The following CHCHD3 variants were observed in gnomAD, a reference collection of about 807,000 sequenced individuals.
The protein encoded by CHCHD3 is coiled-coil-helix-coiled-coil-helix domain containing 3.
A neutral mutation model predicts 38.2 loss-of-function variants in CHCHD3; 20 were observed. The observed-to-expected ratio is 0.52, with a 90% CI of 0.37 to 0.76. The LOEUF (loss-of-function observed/expected upper bound fraction) is 0.76. CHCHD3 is among the 30% of genes least tolerant of loss of function. The pLI is 0.00. For missense variants in CHCHD3, 245 were observed against 279.2 expected, an observed-to-expected ratio of 0.88 and a Z score of 0.87; for synonymous variants, 82 against 100.0, an observed-to-expected ratio of 0.82 and a Z score of 1.07.
At chr7:132,842,953 G>A (rs1484485057) in intron 5 of CHCHD3, among the ~76,000 whole-genome samples, 1 of 152,062 alleles carries the variant, frequency 6.6e-6, no homozygotes, top group African/African-American at 2.4e-5. Flanking sequence ...TCAAAGTTTT[G>A]TCCATCACCT....
chr7:132,864,519 T>C (rs1208300016), intron 5 of CHCHD3, among the ~76,000 whole-genome samples: 5 of 152,188 alleles, frequency 3.3e-5, no homozygotes, highest in Non-Finnish European at 5.9e-5. Context: ...AGACACTAAG[T>C]GAGCACATGC....
At chr7:132,903,136 C>A (rs946121727) in intron 4 of CHCHD3, among the ~76,000 whole-genome samples, 3 of 152,190 alleles carry the variant, frequency 2.0e-5, no homozygotes, top group Non-Finnish European at 2.9e-5. Flanking sequence ...TTCCACAACT[C>A]CCCAAGACCC....
chr7:132,846,433 T>A (rs1471346546), intron 5 of CHCHD3, among the ~76,000 whole-genome samples: 2 of 152,220 alleles, frequency 1.3e-5, no homozygotes, highest in Admixed American at 1.3e-4. Flanking sequence ...GTGAGTAAAA[T>A]GGTAGCTGTT....
chr7:132,810,413 C>A (rs1807038313), intron 6 of CHCHD3, among the ~76,000 whole-genome samples: 1 of 152,110 alleles, frequency 6.6e-6, no homozygotes, highest in African/African-American at 2.4e-5. Flanking sequence ...AGTACTGATG[C>A]CATAAGAAGG....
intron 4 of CHCHD3, among the ~76,000 whole-genome samples, chr7:132,919,975 C>T (rs1810218290): frequency 6.6e-6 from 1 of 152,152 alleles, no homozygotes; most frequent in South Asian, 2.1e-4. Flanking sequence ...GCTCTCACTT[C>T]TCGGGTTTCT....
intron 3 of CHCHD3, among the ~76,000 whole-genome samples, chr7:132,976,052 C>T (rs1472156603): frequency 2.0e-5 from 3 of 152,150 alleles, no homozygotes; most frequent in African/African-American, 7.2e-5. Context: ...ATTGAGGACA[C>T]AGCGATAAAC....
intron 3 of CHCHD3, among the ~76,000 whole-genome samples, chr7:133,019,632 T>C (rs868239026): frequency 5.9e-5 from 9 of 152,342 alleles, no homozygotes; most frequent in Middle Eastern, 3.4e-3. Context: ...CTAATGTCCA[T>C]TGAAAAATAG....
intron 4 of CHCHD3, among the ~76,000 whole-genome samples, chr7:132,967,264 T>C (rs974035607): frequency 1.3e-5 from 2 of 152,188 alleles, no homozygotes; most frequent in African/African-American, 2.4e-5. Context: ...AGAACATCAA[T>C]AGCATTCTAC....
At chr7:132,953,588 T>C (rs933352195) in intron 4 of CHCHD3, among the ~76,000 whole-genome samples, 12 of 152,202 alleles carry the variant, frequency 7.9e-5, no homozygotes, top group African/African-American at 2.9e-4. Context: ...CCCTGCCAGC[T>C]ATCCTGGAGG....
chr7:133,023,077 A>T (rs1229315277), intron 3 of CHCHD3, among the ~76,000 whole-genome samples: 1 of 152,122 alleles, frequency 6.6e-6, no homozygotes, highest in African/African-American at 2.4e-5. Context: ...CTCTTTTTTT[A>T]AAAATTGATT....
At chr7:132,977,590 A>G (rs946192479) in intron 3 of CHCHD3, among the ~76,000 whole-genome samples, 2 of 152,234 alleles carry the variant, frequency 1.3e-5, no homozygotes, top group African/African-American at 4.8e-5. Flanking sequence ...AAAATAAAAT[A>G]ATAAAATTAC....
At chr7:132,920,996 C>T (rs886880069) in intron 4 of CHCHD3, among the ~76,000 whole-genome samples, 9 of 152,110 alleles carry the variant, frequency 5.9e-5, no homozygotes, top group African/African-American at 2.2e-4. Flanking sequence ...AGTACAGTAA[C>T]GGGCATTGCT....
intron 1 of CHCHD3, among the ~76,000 whole-genome samples, chr7:133,072,400 T>C (rs1166713323): frequency 2.0e-5 from 3 of 152,292 alleles, no homozygotes; most frequent in African/African-American, 7.2e-5. Flanking sequence ...TATTTACTCC[T>C]TCACAGGCCT....
intron 6 of CHCHD3, among the ~76,000 whole-genome samples, chr7:132,806,946 T>A (rs1806936484): frequency 6.6e-6 from 1 of 152,138 alleles, no homozygotes; most frequent in Non-Finnish European, 1.5e-5. Flanking sequence ...GGTTAAGGAA[T>A]AACACTTCGA....
chr7:132,898,488 C>G (rs949712982), intron 4 of CHCHD3, among the ~76,000 whole-genome samples: 25 of 152,240 alleles, frequency 1.6e-4, no homozygotes, highest in African/African-American at 6.0e-4. Flanking sequence ...AAACCCTGAG[C>G]TAGACACAAA....
At chr7:132,785,952 C>CAG (rs1264031216) in intron 7 of CHCHD3, among the ~76,000 whole-genome samples, 1 of 152,106 alleles carries the variant, frequency 6.6e-6, no homozygotes, top group African/African-American at 2.4e-5. Flanking sequence ...CCAAAGTGGG[C>CAG]AGATCACTTG....
chr7:132,879,180 A>AT (rs1808986241), intron 5 of CHCHD3, among the ~76,000 whole-genome samples: 1 of 152,198 alleles, frequency 6.6e-6, no homozygotes. Context: ...CATACAGCAC[A>AT]TAGAATAATA....
intron 3 of CHCHD3, among the ~76,000 whole-genome samples, chr7:132,987,030 G>A (rs1261961434): frequency 6.6e-6 from 1 of 152,102 alleles, no homozygotes; most frequent in Admixed American, 6.5e-5. Flanking sequence ...AAAATACCTT[G>A]CCAGTAAAGG....
At chr7:132,920,848 TAA>T (rs61433548) in intron 4 of CHCHD3, among the ~76,000 whole-genome samples, 2 of 144,534 alleles carry the variant, frequency 1.4e-5, no homozygotes, top group Non-Finnish European at 3.1e-5. Context: ...CAGACTGCCT[TAA>T]AAAAAAAAAA....
Sources: gnomAD v4.1 joint callset for allele counts (sites outside exome capture counted in the v4.1 genomes callset) on GRCh38, gnomAD v4.1.1 for gene constraint, MANE v1.5 for transcripts, NCBI Gene and HGNC (gene_info 2026-07-23, HGNC 2026-07-21) for gene names.